Variants in UNC13C observed in about 807,000 individuals in gnomAD.
UNC13C encodes the protein unc-13 homolog C.
UNC13C carries 174 observed loss-of-function variants against 245.4 expected under a neutral mutation model. The observed-to-expected ratio is 0.71, with a 90% confidence interval of 0.63 to 0.80. The LOEUF (loss-of-function observed/expected upper bound fraction) is 0.80. UNC13C is among the 30% of genes least tolerant of loss of function. UNC13C has a pLI of 0.00. For missense variants in UNC13C, 2,829 were observed against 2,602.9 expected, an observed-to-expected ratio of 1.09 and a Z score of -1.89; for synonymous variants, 992 against 895.1, an observed-to-expected ratio of 1.11 and a Z score of -1.93.
At chr15:54,314,738 C>G (rs2037966570) in intron 13 of UNC13C, among the ~76,000 whole-genome samples, 1 of 151,764 alleles carries the variant, frequency 6.6e-6, no homozygotes, top group South Asian at 2.1e-4. Context: ...TGTTTTCATG[C>G]TGTTCATGAT....
intron 4 of UNC13C, among the ~76,000 whole-genome samples, chr15:54,215,912 A>G (rs548005762): frequency 8.5e-5 from 13 of 152,130 alleles, no homozygotes; most frequent in Admixed American, 2.0e-4. Flanking sequence ...CCTACAGAAG[A>G]TAGATGCAGC....
intron 25 of UNC13C, among the ~76,000 whole-genome samples, chr15:54,526,740 G>GAAAAAAA (rs1164016477): frequency 3.2e-5 from 2 of 63,094 alleles, no homozygotes; most frequent in Admixed American, 1.5e-4. Flanking sequence ...ACTCCGTCTA[G>GAAAAAAA]AAAAAAAAAA....
chr15:53,913,107 GC>G, the UNC13C span: 9 of 152,196 alleles, frequency 5.9e-5, no homozygotes, highest in Admixed American at 2.6e-4. Flanking sequence ...TATATGCATA[GC>G]CCCACCATAT....
chr15:54,321,789 A>T, intron 13 of UNC13C, 150 bp from the exon 14 acceptor site: 3 of 845,820 alleles, frequency 3.5e-6, no homozygotes, highest in East Asian at 6.0e-5. Context: ...CAGAAGGCCA[A>T]AATTGTTTTT....
At chr15:53,976,120 A>T (rs1410795225), upstream of UNC13C, among the ~76,000 whole-genome samples, 1 of 152,166 alleles carries the variant, frequency 6.6e-6, no homozygotes, top group Non-Finnish European at 1.5e-5. Flanking sequence ...ATGTCCCTGC[A>T]GGTCAATAAA....
chr15:54,198,210 C>T (rs187094104), intron 4 of UNC13C, among the ~76,000 whole-genome samples: 1 of 152,160 alleles, frequency 6.6e-6, no homozygotes, highest in African/African-American at 2.4e-5. Flanking sequence ...ATGCCTATCC[C>T]TACCTCCACC....
chr15:54,052,429 TC>T (rs1897311939), intron 2 of UNC13C, among the ~76,000 whole-genome samples: 1 of 151,218 alleles, frequency 6.6e-6, no homozygotes, highest in African/African-American at 2.4e-5. Flanking sequence ...ACCTGTTGTT[TC>T]CTGACTTTTT....
intron 17 of UNC13C, among the ~76,000 whole-genome samples, chr15:54,341,580 G>A (rs2038732684): frequency 6.7e-6 from 1 of 150,336 alleles, no homozygotes; most frequent in African/African-American, 2.4e-5. Context: ...AATAAATGTT[G>A]AAATTATTTT....
intron 26 of UNC13C, among the ~76,000 whole-genome samples, chr15:54,540,224 A>G (rs1896182320): frequency 6.6e-6 from 1 of 152,102 alleles, no homozygotes; most frequent in African/African-American, 2.4e-5. Context: ...TACTTCAAAG[A>G]ATGAATAAAA....
At chr15:54,392,533 TGAGTTTGAGTAACAGTACTGACA>T (rs2039979868) in intron 17 of UNC13C, among the ~76,000 whole-genome samples, 1 of 152,030 alleles carries the variant, frequency 6.6e-6, no homozygotes, top group South Asian at 2.1e-4. Context: ...TTAACAGTAC[TGAGTTTGAGTAACAGTACTGACA>T]GGCAGCTGTC....
At chr15:54,076,915 C>T (rs550664266) in intron 2 of UNC13C, among the ~76,000 whole-genome samples, 2 of 152,070 alleles carry the variant, frequency 1.3e-5, no homozygotes, top group Admixed American at 1.3e-4. Flanking sequence ...TATAAAAATC[C>T]TCTTTGTAAT....
chr15:53,968,052 A>C, the UNC13C span: 1 of 152,148 alleles, frequency 6.6e-6, no homozygotes, highest in Non-Finnish European at 1.5e-5. Flanking sequence ...CTGATGGTAA[A>C]GAAGTGTTAT....
In UNC13C at chr15:54,011,754, C is replaced by CT. The variant is rs577531964; in HGVS notation, c.-256-893dup. ...TCGCTCCATCTTTTCTCCTCCTCTT[C>CT]TATGCTCCCCTTGTCTCTTGTGGAG... On this transcript the variant is annotated intron_variant, in intron 1 of 32. Coordinates refer to ENST00000260323, the MANE Select transcript of UNC13C (RefSeq NM_001080534.3). Among the ~76,000 whole-genome samples the CT allele has an allele frequency of 7.0e-4, 106 of 152,298 alleles. No individual in the cohort carries two copies. In the South Asian group the frequency reaches 0.014, roughly 20 times the overall value.
intron 17 of UNC13C, among the ~76,000 whole-genome samples, chr15:54,343,371 G>T (rs2038782409): frequency 2.0e-5 from 3 of 152,010 alleles, no homozygotes; most frequent in South Asian, 2.1e-4. Flanking sequence ...GACCTCAGGG[G>T]ATCCACCTGC....
At position 54,060,255 on chromosome 15, in the gene UNC13C, T is replaced by G. The variant is rs570969493; in HGVS notation, c.2983+44369T>G. ...CTAATATCCAGAATCTACAATGAAC[T>G]CAAACAAATTTAGAAGAAAAAAACA... On this transcript the variant is annotated intron_variant, in intron 2 of 32. Transcript: ENST00000260323. 4.7e-4 allele frequency among the ~76,000 whole-genome samples: 72 copies of G among 152,042 alleles called. No individual in the cohort carries two copies. In the South Asian group the frequency reaches 0.015, roughly 31 times the overall value.
Position 54,468,639 on chromosome 15 carries a change from A to G in UNC13C, c.4934-25969A>G, listed in dbSNP as rs139957925. ...TGATTCTTGTATAAGGGGTGAGTTA[A>G]GGGTCCATTTTCATTCTTTTGCATG... On this transcript the variant is annotated intron_variant, in intron 19 of 32. Coordinates refer to ENST00000260323, the MANE Select transcript of UNC13C (RefSeq NM_001080534.3). 3.9e-3 allele frequency among the ~76,000 whole-genome samples: 586 copies of G among 151,672 alleles called. 8 individuals are homozygous for G. Among genetic ancestry groups the G allele is most frequent in the African/African-American group, 0.013 (550 of 41,480 alleles).
intron 2 of UNC13C, among the ~76,000 whole-genome samples, chr15:54,091,366 A>T (rs1351263779): frequency 6.6e-6 from 1 of 152,134 alleles, no homozygotes; most frequent in African/African-American, 2.4e-5. Context: ...TTCCCCATTT[A>T]TTCTCGCAGA....
At chr15:54,155,220 C>T (rs1031355933) in intron 4 of UNC13C, among the ~76,000 whole-genome samples, 5 of 152,176 alleles carry the variant, frequency 3.3e-5, no homozygotes, top group African/African-American at 9.7e-5. Context: ...TCTGGAGGCT[C>T]TTTGGCTATT....
At chr15:54,480,821 G>C (rs1893064095) in intron 19 of UNC13C, among the ~76,000 whole-genome samples, 1 of 151,972 alleles carries the variant, frequency 6.6e-6, no homozygotes, top group African/African-American at 2.4e-5. Flanking sequence ...CTGCACACCT[G>C]GTGTAACAGT....
Sources: gnomAD v4.1 joint callset for allele counts (sites outside exome capture counted in the v4.1 genomes callset) on GRCh38, gnomAD v4.1.1 for gene constraint, MANE v1.5 for transcripts, NCBI Gene and HGNC (gene_info 2026-07-23, HGNC 2026-07-21) for gene names.